Variants in NFATC2 observed in about 807,000 individuals in gnomAD.
NFATC2 encodes the protein nuclear factor of activated T-cells, cytoplasmic 2.
Under a neutral mutation model 87.3 loss-of-function variants are expected in NFATC2, and 22 were observed. The ratio of observed to expected loss-of-function variants is 0.25; its 90% CI spans 0.18 to 0.36. The LOEUF (loss-of-function observed/expected upper bound fraction) is 0.36, where lower values mean the gene tolerates loss of function less well. Among genes scored for constraint, NFATC2 ranks in the 10% least tolerant of loss-of-function variants. The probability of loss-of-function intolerance (pLI) is 1.00; values close to 1 mark genes in which losing one functional copy is unlikely to be tolerated. For missense variants in NFATC2, 1,149 were observed against 1,259.1 expected, an observed-to-expected ratio of 0.91 and a Z score of 1.32; for synonymous variants, 565 against 542.2, an observed-to-expected ratio of 1.04 and a Z score of -0.58.
chr20:51,421,423 A>T (rs1171645463), intron 9 of NFATC2, among the ~76,000 whole-genome samples: 1 of 152,188 alleles, frequency 6.6e-6, no homozygotes, highest in East Asian at 1.9e-4. Context: ...ATGGGGGCAC[A>T]ATTCAAACGC....
chr20:51,413,350 AG>A (rs1352165681), intron 9 of NFATC2, among the ~76,000 whole-genome samples: 1 of 152,170 alleles, frequency 6.6e-6, no homozygotes, highest in Non-Finnish European at 1.5e-5. Context: ...TTCTAGGACC[AG>A]GACACAGTCT....
intron 10 of NFATC2, among the ~76,000 whole-genome samples, chr20:51,392,867 G>A (rs1254238589): frequency 2.6e-5 from 4 of 152,210 alleles, no homozygotes; most frequent in African/African-American, 9.6e-5. Context: ...CTCCATAACA[G>A]AGTCGGGGAA....
chr20:51,408,383 G>C (rs912967253), intron 9 of NFATC2, among the ~76,000 whole-genome samples: 1 of 151,782 alleles, frequency 6.6e-6, no homozygotes, highest in African/African-American at 2.4e-5. Context: ...GTGTGGTAGT[G>C]TGTGCCTGTA....
rs111292632 is a variant in NFATC2 at position 51,499,070 on chromosome 20, G to A, written c.1332+17714C>T. ...TGAGGAAGAGAGGCAGGCAGGGACCGGGTGACACGGCCTGGTCCACGGTGA... is the reference window on the plus strand; with the variant it reads ...TGAGGAAGAGAGGCAGGCAGGGACCAGGTGACACGGCCTGGTCCACGGTGA... On this transcript the variant is annotated intron_variant, in intron 3 of 10. Coordinates refer to ENST00000371564, the MANE Select transcript of NFATC2 (RefSeq NM_012340.5). Among the ~76,000 whole-genome samples the A allele has an allele frequency of 3.4e-3, 524 of 152,262 alleles. 3 individuals carry two copies. The highest frequency in any genetic ancestry group is 5.9e-3 in the Non-Finnish European group (398 of 68,018).
chr20:51,500,110 G>T (rs1280999111), intron 3 of NFATC2, among the ~76,000 whole-genome samples: 1 of 152,096 alleles, frequency 6.6e-6, no homozygotes, highest in Non-Finnish European at 1.5e-5. Flanking sequence ...CTCAGTATGA[G>T]ATTGAATGAG....
chr20:51,543,589 G>T (rs1402213909), upstream of NFATC2, among the ~76,000 whole-genome samples: 1 of 152,182 alleles, frequency 6.6e-6, no homozygotes, highest in Non-Finnish European at 1.5e-5. Context: ...GAGGAGTACA[G>T]TTCTGATGGG....
At chr20:51,560,091 T>C (rs2077008827) in intron 1 of NFATC2, among the ~76,000 whole-genome samples, 1 of 152,242 alleles carries the variant, frequency 6.6e-6, no homozygotes, top group African/African-American at 2.4e-5. Flanking sequence ...CCTCAGTTTA[T>C]TGTTTTGCAT....
chr20:51,518,949 T>G (rs551880888), intron 2 of NFATC2, among the ~76,000 whole-genome samples: 83 of 152,250 alleles, frequency 5.5e-4, no homozygotes, highest in African/African-American at 2.0e-3. Context: ...CACAGGTGTA[T>G]GCAACCAGGC....
At chr20:51,400,764 C>T (rs1053755304) in intron 9 of NFATC2, among the ~76,000 whole-genome samples, 23 of 152,212 alleles carry the variant, frequency 1.5e-4, no homozygotes, top group African/African-American at 5.3e-4. Context: ...CAGACATCTC[C>T]GGGGGTGGTG....
chr20:51,412,580 G>A (rs1406205057), intron 9 of NFATC2, among the ~76,000 whole-genome samples: 1 of 152,182 alleles, frequency 6.6e-6, no homozygotes, highest in East Asian at 1.9e-4. Flanking sequence ...CAGCAGGAGG[G>A]AGGCCCCGCT....
chr20:51,440,894 G>A (rs752597685), intron 6 of NFATC2, among the ~76,000 whole-genome samples: 26 of 152,192 alleles, frequency 1.7e-4, no homozygotes, highest in Non-Finnish European at 3.2e-4. Flanking sequence ...ACTCCACCCC[G>A]CATCCACGGG....
At position 51,499,468 on chromosome 20, in the gene NFATC2, C is replaced by T. The variant is rs76431226; in HGVS notation, c.1332+17316G>A. On this transcript the variant is annotated intron_variant, in intron 3 of 10. Coordinates refer to ENST00000371564, the MANE Select transcript of NFATC2 (RefSeq NM_012340.5). ...AGAGAAAGAGATTCAAAATCTAAAA[C>T]GCGGCCGGGCACGGTGGCTCATGCC... Among the ~76,000 whole-genome samples, 45 of 152,192 alleles carry T rather than the reference C, an allele frequency of 3.0e-4. No individual in the cohort carries two copies. In the East Asian group the frequency reaches 3.5e-3, roughly 12 times the overall value.
At chr20:51,447,442 C>A in intron 6 of NFATC2, among the ~76,000 whole-genome samples, 1 of 152,224 alleles carries the variant, frequency 6.6e-6, no homozygotes, top group East Asian at 1.9e-4. Flanking sequence ...AGCCTGGGGG[C>A]CTGAATTAAG....
intron 9 of NFATC2, among the ~76,000 whole-genome samples, chr20:51,416,810 C>T (rs1216892986): frequency 6.6e-6 from 1 of 152,090 alleles, no homozygotes; most frequent in African/African-American, 2.4e-5. Flanking sequence ...AAGGCCACAC[C>T]CCCAAGTTCC....
chr20:51,419,086 TG>T (rs906060234), intron 9 of NFATC2, among the ~76,000 whole-genome samples: 9 of 152,212 alleles, frequency 5.9e-5, no homozygotes, highest in Non-Finnish European at 1.0e-4. Context: ...CATGCTGCTG[TG>T]TCCTCACTGG....
chr20:51,540,647 G>GGTT lies in NFATC2; in HGVS notation c.130+1722_130+1723insAAC, dbSNP rs1555818250. Among the ~76,000 whole-genome samples, 92 of 112,978 alleles carry GGTT rather than the reference G, an allele frequency of 8.1e-4. 1 individual carries two copies. Among genetic ancestry groups the GGTT allele is most frequent in the South Asian group, 1.8e-3 (7 of 3,852 alleles). 74.1% of individuals were successfully genotyped at this position (112,978 alleles called of 152,430 possible). A position where few individuals can be genotyped will look rare whatever the true frequency, so the allele number is the denominator to read the frequency against. On this transcript the variant is annotated intron_variant, in intron 1 of 10. Transcript: ENST00000371564. ...ATCTGAAACTGTTCCAAAAACTGAAGTTTTTTTTTTGTTTTTTTTTTTTTG... is the reference window on the plus strand; with the variant it reads ...ATCTGAAACTGTTCCAAAAACTGAAGGTTTTTTTTTTTTGTTTTTTTTTTTTTG...
At chr20:51,508,398 G>T (rs1267055789) in intron 3 of NFATC2, among the ~76,000 whole-genome samples, 1 of 152,160 alleles carries the variant, frequency 6.6e-6, no homozygotes, top group Non-Finnish European at 1.5e-5. Context: ...CTCAGCCGGG[G>T]ACACGTGCGG....
intron 10 of NFATC2, 35 bp downstream of exon 10, chr20:51,398,608 G>A: frequency 6.7e-7 from 1 of 1,485,700 alleles, no homozygotes; most frequent in Non-Finnish European, 9.2e-7. Flanking sequence ...ACACACAGCT[G>A]GAAAACAAAA....
At chr20:51,453,534 T>C (rs1000244849) in intron 6 of NFATC2, among the ~76,000 whole-genome samples, 2 of 152,244 alleles carry the variant, frequency 1.3e-5, no homozygotes, top group African/African-American at 4.8e-5. Flanking sequence ...CCCAAGTTAT[T>C]TGAGCTAATT....
Sources: allele counts gnomAD v4.1 joint callset (sites outside exome capture counted in the v4.1 genomes callset), GRCh38; gene constraint gnomAD v4.1.1; transcripts MANE v1.5; gene names NCBI Gene and HGNC (gene_info 2026-07-23, HGNC 2026-07-21).